DBF4B: variants seen among roughly 807,000 people sequenced by gnomAD.
The protein encoded by DBF4B is protein DBF4 homolog B.
In DBF4B, 49 loss-of-function variants were observed where a neutral mutation model predicts 53.4. The observed-to-expected ratio is 0.92, with a 90% CI of 0.73 to 1.16. The LOEUF (loss-of-function observed/expected upper bound fraction) is 1.16. Ranked by LOEUF, DBF4B falls within the 50% of genes most tolerant of loss-of-function variation. The probability of loss-of-function intolerance (pLI) is 0.00; values close to 1 mark genes in which losing one functional copy is unlikely to be tolerated. For synonymous variants in DBF4B, 257 were observed against 288.7 expected, an observed-to-expected ratio of 0.89 and a Z score of 1.11; for missense variants, 692 against 775.0, an observed-to-expected ratio of 0.89 and a Z score of 1.27.
At chr17:44,746,956 G>A in intron 10 of DBF4B, 127 bp from the exon 11 acceptor site, 1 of 780,676 alleles carries the variant, frequency 1.3e-6, no homozygotes, top group South Asian at 1.6e-5. Context: ...GCCTGCCGGT[G>A]CCTGCACAGC....
At position 44,751,293 on chromosome 17, in the gene DBF4B, T is replaced by TGG; in HGVS notation, c.*42_*43dup. 1 of 1,585,242 alleles carries TGG rather than the reference T, an allele frequency of 6.3e-7. No homozygotes were observed. The highest frequency in any genetic ancestry group is 8.6e-7 in the Non-Finnish European group (1 of 1,165,858). ...CACCTGAGACTTGACCCAGGATGGATGGGTGCTGCTTGATGTGAATGAGGT... is the reference window on the plus strand; with the variant it reads ...CACCTGAGACTTGACCCAGGATGGATGGGGGTGCTGCTTGATGTGAATGAGGT... On this transcript the variant is annotated 3_prime_UTR_variant, in exon 14 of 14. Transcript: ENST00000315005.
At chr17:44,740,941 C>T (rs1311577317) in intron 9 of DBF4B, among the ~76,000 whole-genome samples, 3 of 152,086 alleles carry the variant, frequency 2.0e-5, no homozygotes, top group African/African-American at 7.2e-5. Flanking sequence ...CGAGACCATC[C>T]TGGCTAACAC....
intron 2 of DBF4B, among the ~76,000 whole-genome samples, chr17:44,720,931 T>C (rs1386761865): frequency 1.3e-5 from 2 of 151,934 alleles, no homozygotes; most frequent in African/African-American, 4.8e-5. Flanking sequence ...TAATCTTAAC[T>C]CTTAACTCAC....
intron 2 of DBF4B, among the ~76,000 whole-genome samples, chr17:44,714,940 A>G (rs2144773014): frequency 1.3e-5 from 2 of 152,198 alleles, no homozygotes; most frequent in South Asian, 4.1e-4. Context: ...GCTGGTCTCC[A>G]ATATTGGCTA....
chr17:44,724,308 A>C (rs1199382642), intron 3 of DBF4B, among the ~76,000 whole-genome samples: 1 of 151,832 alleles, frequency 6.6e-6, no homozygotes, highest in Admixed American at 6.6e-5. Flanking sequence ...GAGGCATGAG[A>C]CTCGCTTGAG....
intron 3 of DBF4B, among the ~76,000 whole-genome samples, chr17:44,726,815 G>A (rs185428313): frequency 2.3e-3 from 357 of 151,996 alleles, no homozygotes; most frequent in Non-Finnish European, 3.9e-3. Context: ...AATATTTTTA[G>A]GGGCTAGGCA....
At chr17:44,712,301 C>CTTTTTTTTTTT (rs1163777667) in intron 2 of DBF4B, among the ~76,000 whole-genome samples, 5 of 71,910 alleles carry the variant, frequency 7.0e-5, no homozygotes, top group Non-Finnish European at 1.2e-4. Flanking sequence ...ATTATGTCTT[C>CTTTTTTTTTTT]TTTTTTTTTT....
chr17:44,726,284 C>T (rs1030070325), intron 3 of DBF4B, among the ~76,000 whole-genome samples: 3 of 84,410 alleles, frequency 3.6e-5, no homozygotes, highest in East Asian at 4.6e-4. Flanking sequence ...CCATCGCACC[C>T]GGCCCTTTTT....
At chr17:44,728,773 C>T (rs1388382778) in intron 3 of DBF4B, among the ~76,000 whole-genome samples, 2 of 150,436 alleles carry the variant, frequency 1.3e-5, no homozygotes, top group Non-Finnish European at 3.0e-5. Context: ...GCTGAGATCG[C>T]ATGACTGCAC....
At chr17:44,708,891 T>G in intron 1 of DBF4B, 52 bp downstream of exon 1, 14 of 1,545,934 alleles carry the variant, frequency 9.1e-6, no homozygotes, top group Non-Finnish European at 1.2e-5. Context: ...CGTTAATAGC[T>G]GAGGCGAGGT....
chr17:44,717,403 A>G (rs1973418769), intron 2 of DBF4B, among the ~76,000 whole-genome samples: 1 of 152,258 alleles, frequency 6.6e-6, no homozygotes, highest in East Asian at 1.9e-4. Flanking sequence ...CTATGTAATA[A>G]TAGTACAATT....
intron 2 of DBF4B, among the ~76,000 whole-genome samples, chr17:44,722,486 C>T (rs1444688095): frequency 6.6e-6 from 1 of 152,222 alleles, no homozygotes; most frequent in African/African-American, 2.4e-5. Context: ...GGCAGTGACT[C>T]ACTCAGCACA....
At chr17:44,738,659 G>A (rs1975702492) in intron 9 of DBF4B, among the ~76,000 whole-genome samples, 1 of 152,196 alleles carries the variant, frequency 6.6e-6, no homozygotes. Context: ...TGAGTCAGAG[G>A]TTAATGATCC....
At chr17:44,721,796 G>C (rs1156368895) in intron 2 of DBF4B, among the ~76,000 whole-genome samples, 1 of 150,804 alleles carries the variant, frequency 6.6e-6, no homozygotes, top group Admixed American at 6.7e-5. Context: ...GCCCTATCTC[G>C]TGTGTCCCTC....
At position 44,709,955 on chromosome 17, in the gene DBF4B, C is replaced by T. The variant is rs377497817; in HGVS notation, c.82+589C>T. Among the ~76,000 whole-genome samples, 82 of 151,638 alleles carry T rather than the reference C, an allele frequency of 5.4e-4. No homozygotes were observed. In the East Asian group the frequency reaches 0.014, roughly 27 times the overall value. ...TTGGGAGGCCAAGGCGGGCGGATCA[C>T]GAGGTCAGGAGATTGAGACCATCCT... is the stretch of plus-strand genomic sequence containing the variant. On this transcript the variant is annotated intron_variant, in intron 2 of 13. Transcript: ENST00000315005.
intron 13 of DBF4B, 165 bp downstream of exon 13, chr17:44,748,630 C>T (rs1259237216): frequency 1.3e-6 from 2 of 1,509,376 alleles, no homozygotes; most frequent in Admixed American, 4.0e-5. Flanking sequence ...CCCTGCTTGC[C>T]AATGCCTCCT....
In DBF4B at chr17:44,738,435, C is replaced by G. The variant is rs763027624; in HGVS notation, c.713+11C>G. On this transcript the variant is annotated intron_variant, in intron 9 of 13. Transcript: ENST00000315005. ...CGAAGATGAAAGCAGGTGAGTGGGA[C>G]CTCCTTTCTCTGCTTGCCCCAGCTA... 86 of 1,613,096 alleles carry G rather than the reference C, an allele frequency of 5.3e-5. No homozygotes were observed. Among genetic ancestry groups the G allele is most frequent in the Non-Finnish European group, 6.4e-5 (75 of 1,179,372 alleles).
rs189506773 is a variant in DBF4B at position 44,726,456 on chromosome 17, C to T, written c.225+3434C>T. 6.6e-4 allele frequency among the ~76,000 whole-genome samples: 100 copies of T among 150,696 alleles called. 1 individual carries two copies. The highest frequency in any genetic ancestry group is 2.3e-3 in the African/African-American group (94 of 40,974). ...TTTTTTTTAATTTTAGAGACAGGGT[C>T]TCGCTGTGTTGGTCAGATTGGTCTT... On this transcript the variant is annotated intron_variant, in intron 3 of 13. Transcript: ENST00000315005.
Position 44,722,918 on chromosome 17 carries a change from C to G in DBF4B, c.121C>G (p.Pro41Ala), listed in dbSNP as rs145794455. The G allele has an allele frequency of 3.0e-4, 478 of 1,614,190 alleles. 4 individuals are homozygous for G. The East Asian group carries it at 9.6e-3, about 32-fold the overall frequency. The change falls in exon 3 of 14, where the codon CCA (proline) becomes GCA (alanine). Residue 41 changes from proline to alanine, a missense_variant. By Grantham distance (27) the Pro-to-Ala change is conservative (BLOSUM62 -1). Transcript: ENST00000315005. Reference sequence around the variant, plus strand: ...TCTAGGAAAATGCCAGAAGAACTCACCAGGTGCCAGGAAGCATCCCTTTTC... The same window carrying G: ...TCTAGGAAAATGCCAGAAGAACTCAGCAGGTGCCAGGAAGCATCCCTTTTC... Reference protein sequence around the residue: ...RCLGKCQKNSPGARKHPFSGK... With the variant: ...RCLGKCQKNSAGARKHPFSGK...
Sources: gnomAD v4.1 joint callset for allele counts (sites outside exome capture counted in the v4.1 genomes callset) on GRCh38, gnomAD v4.1.1 for gene constraint, MANE v1.5 for transcripts, NCBI Gene and HGNC (gene_info 2026-07-23, HGNC 2026-07-21) for gene names.